The following ACSL4 variants were observed in gnomAD, a reference collection of about 807,000 sequenced individuals.
ACSL4 encodes long-chain-fatty-acid--CoA ligase 4.
Under a neutral mutation model 49.1 loss-of-function variants are expected in ACSL4, and 9 were observed. The ratio of observed to expected loss-of-function variants is 0.18; its 90% CI spans 0.11 to 0.32. ACSL4 has a LOEUF of 0.32. Ranked by LOEUF, ACSL4 falls within the 10% of genes least tolerant of loss-of-function variation. The pLI is 1.00. For missense variants in ACSL4, 333 were observed against 493.7 expected, an observed-to-expected ratio of 0.67 and a Z score of 3.08; for synonymous variants, 191 against 170.3, an observed-to-expected ratio of 1.12 and a Z score of -0.95.
At chrX:109,697,718 G>GA (rs1318888317) in intron 1 of ACSL4, among the ~76,000 whole-genome samples, 1 of 95,960 alleles carries the variant, frequency 1.0e-5, no homozygotes, top group Non-Finnish European at 2.1e-5. Context: ...CATGGGGGGG[G>GA]GGGCGCGGGG....
intron 10 of ACSL4, 74 bp from the exon 11 acceptor site, chrX:109,668,347 T>A: frequency 2.2e-6 from 2 of 918,778 alleles, no homozygotes. Flanking sequence ...TTATAAGCTC[T>A]GGGAAAGATT....
chrX:109,717,065 G>C (rs1424075916), intron 1 of ACSL4, among the ~76,000 whole-genome samples: 1 of 112,079 alleles, frequency 8.9e-6, no homozygotes, highest in Non-Finnish European at 1.9e-5. Context: ...TAAAATATAA[G>C]AGGGTAGTTT....
intron 1 of ACSL4, among the ~76,000 whole-genome samples, chrX:109,709,972 G>A: frequency 9.0e-6 from 1 of 111,631 alleles, no homozygotes; most frequent in Non-Finnish European, 1.9e-5. Context: ...GGGCCTGGTG[G>A]TGCATGCCTG....
intron 15 of ACSL4, among the ~76,000 whole-genome samples, chrX:109,650,991 T>C (rs559792821): frequency 8.9e-6 from 1 of 112,381 alleles, no homozygotes; most frequent in South Asian, 3.7e-4. Context: ...ATTTCATATC[T>C]TTAAATGGTA....
At chrX:109,728,291 A>C (rs751729660) in intron 1 of ACSL4, among the ~76,000 whole-genome samples, 8 of 112,512 alleles carry the variant, frequency 7.1e-5, no homozygotes, top group Non-Finnish European at 1.3e-4. Context: ...TGAGTAGAAA[A>C]GTCTGCTAAA....
At chrX:109,680,662 G>A (rs993523654) in intron 6 of ACSL4, among the ~76,000 whole-genome samples, 1 of 112,590 alleles carries the variant, frequency 8.9e-6, no homozygotes, top group Non-Finnish European at 1.9e-5. Flanking sequence ...TTTACTGAAT[G>A]GAAGGCCTGA....
At chrX:109,646,781 C>A (rs1393198976) in intron 15 of ACSL4, among the ~76,000 whole-genome samples, 2 of 110,212 alleles carry the variant, frequency 1.8e-5, no homozygotes, top group Non-Finnish European at 3.8e-5. Context: ...AAACCCATCT[C>A]ACGTGCAGAG....
chrX:109,662,029 G>A (rs1922217953), intron 13 of ACSL4, among the ~76,000 whole-genome samples: 1 of 111,247 alleles, frequency 9.0e-6, no homozygotes, highest in Non-Finnish European at 1.9e-5. Context: ...GTGATCCTCG[G>A]CATGTCAGTT....
rs1483613783 is a variant in ACSL4, at chrX:109,643,143, G to C, written c.*886C>G. 9.0e-6 allele frequency: 1 copy of C among 111,340 alleles called. No individual in the cohort carries two copies. The highest frequency in any genetic ancestry group is 1.9e-5 in the Non-Finnish European group (1 of 52,848). The allele number at this position is 111,340 out of a possible 1,213,427, so 9.2% of individuals were successfully genotyped here. On this transcript the variant is annotated 3_prime_UTR_variant, in exon 16 of 16. Coordinates refer to ENST00000672401, the MANE Select transcript of ACSL4 (RefSeq NM_001318510.2). Reference sequence around the variant, plus strand: ...TTTCCCAGGTTCAGTGCTGTGCAAGGGTTCTAATTCCAAATACTTATGATT... The same window carrying C: ...TTTCCCAGGTTCAGTGCTGTGCAAGCGTTCTAATTCCAAATACTTATGATT...
At chrX:109,669,463 G>A (rs948023931) in intron 9 of ACSL4, among the ~76,000 whole-genome samples, 4 of 106,480 alleles carry the variant, frequency 3.8e-5, no homozygotes, top group Non-Finnish European at 5.8e-5. Flanking sequence ...GCGGGATCTC[G>A]GCTCACTGCA....
chrX:109,703,631 C>T (rs1260182052), intron 1 of ACSL4, among the ~76,000 whole-genome samples: 1 of 111,864 alleles, frequency 8.9e-6, no homozygotes, highest in Non-Finnish European at 1.9e-5. Flanking sequence ...AGCTAATGAA[C>T]ATATGAAAAT....
chrX:109,664,165 T>TA (rs1392762242), intron 12 of ACSL4, among the ~76,000 whole-genome samples: 69 of 109,381 alleles, frequency 6.3e-4, no homozygotes, highest in South Asian at 1.9e-3. Context: ...CATTGTATGT[T>TA]AAAAAAAAAC....
chrX:109,682,519 T>C (rs751422869), intron 4 of ACSL4, among the ~76,000 whole-genome samples, 200 bp downstream of exon 4: 61 of 107,172 alleles, frequency 5.7e-4, no homozygotes, highest in African/African-American at 1.7e-3. Flanking sequence ...CCAATTCCCA[T>C]ATTAGTTCTT....
At chrX:109,646,027 G>C (rs1320894019) in intron 15 of ACSL4, among the ~76,000 whole-genome samples, 1 of 111,950 alleles carries the variant, frequency 8.9e-6, no homozygotes, top group Non-Finnish European at 1.9e-5. Context: ...TATGTGAAAA[G>C]ACCAAATCTA....
At chrX:109,657,311 C>T (rs1016403516) in intron 15 of ACSL4, among the ~76,000 whole-genome samples, 2 of 110,956 alleles carry the variant, frequency 1.8e-5, no homozygotes, top group Non-Finnish European at 3.8e-5. Context: ...GTGTGCTGCA[C>T]CCATTAATCC....
chrX:109,705,883 G>A lies in ACSL4; in HGVS notation c.-65-9687C>T, dbSNP rs187072142. On this transcript the variant is annotated intron_variant, in intron 1 of 15. Coordinates refer to ENST00000672401, the MANE Select transcript of ACSL4 (RefSeq NM_001318510.2). ...TGGCTAATTTTGTATTTTTAGTAGA[G>A]ACGGGGTTTCTCCATGTTGGTCAGG... 2.7e-5 allele frequency among the ~76,000 whole-genome samples: 3 copies of A among 112,338 alleles called. No homozygotes were observed. The Admixed American group carries it at 2.8e-4, about 11-fold the overall frequency.
intron 2 of ACSL4, among the ~76,000 whole-genome samples, chrX:109,688,512 T>G (rs939511444): frequency 1.8e-5 from 2 of 111,657 alleles, no homozygotes; most frequent in Non-Finnish European, 3.8e-5. Flanking sequence ...ATTTTCTATC[T>G]CTTTGGCACT....
chrX:109,717,994 T>C (rs1197409712), intron 1 of ACSL4, among the ~76,000 whole-genome samples: 2 of 111,752 alleles, frequency 1.8e-5, no homozygotes, highest in Non-Finnish European at 3.8e-5. Context: ...CAGAACTGTT[T>C]TATGCAACTC....
Position 109,674,426 on chromosome X carries a change from C to T in ACSL4, c.978G>A (p.Lys326=). 1 of 1,207,964 alleles carries T rather than the reference C, an allele frequency of 8.3e-7. No homozygotes were observed. The highest frequency in any genetic ancestry group is 1.1e-6 in the Non-Finnish European group (1 of 891,949). The change falls in exon 9 of 16, where the codon AAG becomes AAA. Residue 326 remains lysine, a synonymous_variant. Coordinates refer to ENST00000672401, the MANE Select transcript of ACSL4 (RefSeq NM_001318510.2). ...KGSKGDCTVL[K]PTLMAAVPEI... ...CCGGAACAGCAGCCATAAGTGTGGG[C>T]TTCAGTACAGTACAGTCTCCTTTGC...
Sources: gnomAD v4.1 joint callset for allele counts (sites outside exome capture counted in the v4.1 genomes callset) on GRCh38, gnomAD v4.1.1 for gene constraint, MANE v1.5 for transcripts, NCBI Gene and HGNC (gene_info 2026-07-23, HGNC 2026-07-21) for gene names.